The following METAP2 variants were observed in gnomAD, a reference collection of about 807,000 sequenced individuals.
METAP2 encodes the protein methionine aminopeptidase 2.
METAP2 carries 25 observed loss-of-function variants against 59.4 expected under a neutral mutation model. That is an observed-to-expected ratio of 0.42 (90% CI 0.31 to 0.59). The LOEUF (loss-of-function observed/expected upper bound fraction) is 0.59. Ranked by LOEUF, METAP2 falls within the 20% of genes least tolerant of loss-of-function variation. METAP2 has a pLI of 0.16. For synonymous variants in METAP2, 214 were observed against 194.1 expected (o/e 1.10, Z -0.85); for missense variants, 366 against 581.2 (o/e 0.63, Z 3.81).
intron 4 of METAP2, among the ~76,000 whole-genome samples, chr12:95,488,922 A>T (rs1436111271): frequency 6.6e-6 from 1 of 152,072 alleles, no homozygotes; most frequent in Non-Finnish European, 1.5e-5. Context: ...TAGAATTCTC[A>T]TCAGAATTGC....
At position 95,504,310 on chromosome 12, in the gene METAP2, G is replaced by C. The variant is rs1002564011; in HGVS notation, c.964+149G>C. On this transcript the variant is annotated intron_variant, in intron 8 of 10. Coordinates refer to ENST00000323666, the MANE Select transcript of METAP2 (RefSeq NM_006838.4). ...ACCTGCTTAGAGCATGGTAGGAGTA[G>C]TGTTGTAACTAACTGGAAACTATTG... The C allele has an allele frequency of 4.1e-5, 24 of 578,814 alleles. 1 individual carries two copies. The Middle Eastern group carries it at 1.8e-3, about 44-fold the overall frequency. 35.9% of individuals were successfully genotyped at this position (578,814 alleles called of 1,614,324 possible). A position where few individuals can be genotyped will look rare whatever the true frequency, so the allele number is the denominator to read the frequency against.
At chr12:95,480,293 G>A (rs2076149321) in intron 2 of METAP2, among the ~76,000 whole-genome samples, 1 of 152,262 alleles carries the variant, frequency 6.6e-6, no homozygotes, top group Admixed American at 6.5e-5. Context: ...ACAATATTTG[G>A]GGTGTTTACA....
intron 7 of METAP2, 73 bp downstream of exon 7, chr12:95,496,171 A>C (rs1023357920): frequency 2.2e-5 from 21 of 942,540 alleles, no homozygotes; most frequent in Non-Finnish European, 2.9e-5. Context: ...ACTTAACAGC[A>C]TTTAAGCACT....
intron 4 of METAP2, among the ~76,000 whole-genome samples, chr12:95,493,038 A>G (rs2076250864): frequency 6.6e-6 from 1 of 152,208 alleles, no homozygotes; most frequent in South Asian, 2.1e-4. Context: ...TGTAATTTAT[A>G]CTCAGTGGTC....
intron 3 of METAP2, 69 bp downstream of exon 3, chr12:95,483,349 A>T: frequency 3.2e-6 from 4 of 1,236,974 alleles, no homozygotes; most frequent in Non-Finnish European, 4.7e-6. Flanking sequence ...GGTGGCTCAC[A>T]CCTGTGATCC....
At chr12:95,486,386 A>C (rs932712285) in intron 4 of METAP2, among the ~76,000 whole-genome samples, 1 of 151,464 alleles carries the variant, frequency 6.6e-6, no homozygotes, top group Non-Finnish European at 1.5e-5. Context: ...TTTTCCTGAA[A>C]CCTTTTGATA....
chr12:95,502,667 T>C (rs1395058898), intron 7 of METAP2, among the ~76,000 whole-genome samples: 1 of 152,078 alleles, frequency 6.6e-6, no homozygotes, highest in Non-Finnish European at 1.5e-5. Flanking sequence ...TCAATTATTG[T>C]TTACCTTTCT....
At chr12:95,486,238 T>C (rs1425586178) in intron 4 of METAP2, among the ~76,000 whole-genome samples, 1 of 152,046 alleles carries the variant, frequency 6.6e-6, no homozygotes, top group African/African-American at 2.4e-5. Flanking sequence ...TAAACAAATT[T>C]GTTTTTCACC....
chr12:95,491,064 T>C (rs2076234248), intron 4 of METAP2, among the ~76,000 whole-genome samples: 1 of 150,314 alleles, frequency 6.7e-6, no homozygotes, highest in Non-Finnish European at 1.5e-5. Flanking sequence ...GACCTCTTGA[T>C]TAATGTGACA....
chr12:95,497,930 A>G (rs1594427537), intron 7 of METAP2, among the ~76,000 whole-genome samples: 1 of 151,494 alleles, frequency 6.6e-6, no homozygotes, highest in Non-Finnish European at 1.5e-5. Context: ...GATGGAGACC[A>G]TCCTGGCTAA....
chr12:95,513,958 A>T lies in METAP2; in HGVS notation c.*54A>T. Reference sequence around the variant, plus strand: ...TATTTTCTGAGCTTTGTTGGAAAACATGATACCAGAATTAATTTGCCACAT... The same window carrying T: ...TATTTTCTGAGCTTTGTTGGAAAACTTGATACCAGAATTAATTTGCCACAT... On this transcript the variant is annotated 3_prime_UTR_variant, in exon 11 of 11. Coordinates refer to ENST00000323666, the MANE Select transcript of METAP2 (RefSeq NM_006838.4). 5.8e-6 allele frequency: 9 copies of T among 1,543,218 alleles called. No individual in the cohort carries two copies. The highest frequency in any genetic ancestry group is 7.9e-6 in the Non-Finnish European group (9 of 1,141,756).
intron 4 of METAP2, among the ~76,000 whole-genome samples, chr12:95,486,776 C>A (rs1288901856): frequency 6.6e-6 from 1 of 152,170 alleles, no homozygotes; most frequent in Non-Finnish European, 1.5e-5. Context: ...GGATTACAGG[C>A]ATGAGCCACT....
rs201443544 is a variant in METAP2 at position 95,515,127 on chromosome 12, A to G, written c.*1223A>G. 10 of 152,732 alleles carry G rather than the reference A, an allele frequency of 6.5e-5. No individual in the cohort carries two copies. In the East Asian group the frequency reaches 9.6e-4, roughly 15 times the overall value. The allele number at this position is 152,732 out of a possible 1,614,324, so 9.5% of individuals were successfully genotyped here. On this transcript the variant is annotated 3_prime_UTR_variant, in exon 11 of 11. Transcript: ENST00000323666. ...CTTAATTTGTATATGTTTCAGTACA[A>G]TGAGATTTTATTGCCTCTGGGATGC...
intron 2 of METAP2, among the ~76,000 whole-genome samples, chr12:95,477,146 C>T (rs1216694186): frequency 6.6e-6 from 1 of 152,068 alleles, no homozygotes; most frequent in Non-Finnish European, 1.5e-5. Flanking sequence ...CTCTGTCGCA[C>T]AGGCTGGAGT....
intron 8 of METAP2, among the ~76,000 whole-genome samples, chr12:95,505,911 A>G (rs1178251895): frequency 6.6e-6 from 1 of 151,442 alleles, no homozygotes; most frequent in Non-Finnish European, 1.5e-5. Context: ...CCTGGCCAAC[A>G]TGGTAAAACC....
chr12:95,514,013 A>T lies in METAP2; in HGVS notation c.*109A>T, dbSNP rs2076425263. The T allele has an allele frequency of 4.0e-6, 5 of 1,235,356 alleles. No homozygotes were observed. Among genetic ancestry groups the T allele is most frequent in the Admixed American group, 2.6e-5 (1 of 38,728 alleles). 76.5% of individuals were successfully genotyped at this position (1,235,356 alleles called of 1,614,324 possible). A position where few individuals can be genotyped will look rare whatever the true frequency, so the allele number is the denominator to read the frequency against. Reference sequence around the variant, plus strand: ...TCTGTTTTAACAGTGGACCCATGTAATACTTTTATCCATGTTTAAAAAAGA... The same window carrying T: ...TCTGTTTTAACAGTGGACCCATGTATTACTTTTATCCATGTTTAAAAAAGA... On this transcript the variant is annotated 3_prime_UTR_variant, in exon 11 of 11. Coordinates refer to ENST00000323666, the MANE Select transcript of METAP2 (RefSeq NM_006838.4).
chr12:95,505,792 A>C (rs1159362907), intron 8 of METAP2, among the ~76,000 whole-genome samples: 1 of 149,190 alleles, frequency 6.7e-6, no homozygotes, highest in Non-Finnish European at 1.5e-5. Flanking sequence ...ACCGTGCCCA[A>C]CTCTTTTTTT....
intron 10 of METAP2, among the ~76,000 whole-genome samples, chr12:95,513,326 G>A (rs554303295): frequency 6.6e-6 from 1 of 152,134 alleles, no homozygotes; most frequent in Admixed American, 6.5e-5. Context: ...GCAGGTCTTT[G>A]AGCTTGCTGC....
At chr12:95,495,472 A>G (rs2076269716) in intron 6 of METAP2, among the ~76,000 whole-genome samples, 1 of 152,154 alleles carries the variant, frequency 6.6e-6, no homozygotes, top group African/African-American at 2.4e-5. Context: ...TTCAAATAAT[A>G]ACATTTATTT....
Sources: allele counts gnomAD v4.1 joint callset (sites outside exome capture counted in the v4.1 genomes callset), GRCh38; gene constraint gnomAD v4.1.1; transcripts MANE v1.5; gene names NCBI Gene and HGNC (gene_info 2026-07-23, HGNC 2026-07-21).